SORCS2: variants seen among roughly 807,000 people sequenced by gnomAD.
SORCS2 encodes the protein sortilin related VPS10 domain containing receptor 2.
In SORCS2, 100 loss-of-function variants were observed where a neutral mutation model predicts 141.6. That is an observed-to-expected ratio of 0.71 (90% CI 0.60 to 0.83). The LOEUF (loss-of-function observed/expected upper bound fraction) is 0.83. SORCS2 is among the 40% of genes least tolerant of loss of function. The probability of loss-of-function intolerance (pLI) is 0.00; values close to 1 mark genes in which losing one functional copy is unlikely to be tolerated. For synonymous variants in SORCS2, 789 were observed against 676.9 expected (o/e 1.17, Z -2.57); for missense variants, 1,646 against 1,560.2 (o/e 1.05, Z -0.93).
chr4:7,429,902 G>A (rs541348220), intron 2 of SORCS2, among the ~76,000 whole-genome samples: 2 of 152,154 alleles, frequency 1.3e-5, no homozygotes, highest in Middle Eastern at 3.2e-3. Flanking sequence ...CCTGTCTCAC[G>A]GTGACTGTGG....
In SORCS2 at chr4:7,270,973, C is replaced by T. The variant is rs889204734; in HGVS notation, c.480+77847C>T. On this transcript the variant is annotated intron_variant, in intron 1 of 26. Coordinates refer to ENST00000507866, the MANE Select transcript of SORCS2 (RefSeq NM_020777.3). ...CATTCATTCATGCCCATGCTTGATG[C>T]TGCTGTATGCACTGGGCAGGCATAT... Among the ~76,000 whole-genome samples the T allele has an allele frequency of 7.2e-5, 11 of 152,358 alleles. No individual in the cohort carries two copies. The South Asian group carries it at 2.1e-3, about 29-fold the overall frequency.
At chr4:7,279,106 C>T (rs184555019) in intron 1 of SORCS2, among the ~76,000 whole-genome samples, 17 of 152,302 alleles carry the variant, frequency 1.1e-4, no homozygotes, top group African/African-American at 3.8e-4. Flanking sequence ...AGCTGTGATC[C>T]TAGCTGTCTG....
Position 7,740,292 on chromosome 4 carries a change from C to T in SORCS2, c.*28C>T. 1.2e-6 allele frequency: 2 copies of T among 1,600,250 alleles called. No individual in the cohort carries two copies. The highest frequency in any genetic ancestry group is 1.7e-6 in the Non-Finnish European group (2 of 1,174,046). Reference sequence around the variant, plus strand: ...CCACCCCAGCATCTGTCTTTTCACCCACGGAGGGCACAGAACCACCAGCAA... The same window carrying T: ...CCACCCCAGCATCTGTCTTTTCACCTACGGAGGGCACAGAACCACCAGCAA... On this transcript the variant is annotated 3_prime_UTR_variant, in exon 27 of 27. Transcript: ENST00000507866.
At chr4:7,714,721 G>A (rs1007695893) in intron 16 of SORCS2, among the ~76,000 whole-genome samples, 2 of 152,124 alleles carry the variant, frequency 1.3e-5, no homozygotes, top group African/African-American at 4.8e-5. Context: ...AAAGCCACCC[G>A]ACCTGTCCCC....
intron 2 of SORCS2, among the ~76,000 whole-genome samples, chr4:7,468,831 T>A (rs1175524581): frequency 6.6e-6 from 1 of 152,222 alleles, no homozygotes; most frequent in South Asian, 2.1e-4. Flanking sequence ...GACGTTGCAT[T>A]TGATCTTCCC....
At chr4:7,622,678 G>A (rs574464027) in intron 3 of SORCS2, among the ~76,000 whole-genome samples, 3 of 152,152 alleles carry the variant, frequency 2.0e-5, no homozygotes, top group South Asian at 2.1e-4. Flanking sequence ...CATGCAGGAC[G>A]GATATCTGTT....
chr4:7,350,311 G>C (rs1246973194), intron 1 of SORCS2, among the ~76,000 whole-genome samples: 2 of 152,238 alleles, frequency 1.3e-5, no homozygotes, highest in Non-Finnish European at 2.9e-5. Context: ...CCAGAGTGGG[G>C]CTACAGTTCA....
intron 1 of SORCS2, among the ~76,000 whole-genome samples, chr4:7,224,681 C>A (rs1044006362): frequency 6.6e-6 from 1 of 152,236 alleles, no homozygotes; most frequent in Non-Finnish European, 1.5e-5. Context: ...ACCGCCAACA[C>A]TGGGGAATAC....
chr4:7,449,611 C>T (rs556228730), intron 2 of SORCS2, among the ~76,000 whole-genome samples: 100 of 151,720 alleles, frequency 6.6e-4, no homozygotes, highest in Non-Finnish European at 1.3e-3. Context: ...ATGCTGGGGG[C>T]TGCCATGTGT....
Position 7,286,241 on chromosome 4 carries a change from G to A in SORCS2, c.480+93115G>A, listed in dbSNP as rs1716214618. On this transcript the variant is annotated intron_variant, in intron 1 of 26. Transcript: ENST00000507866. The surrounding 1 kb of genome is among the most constrained non-coding windows in gnomAD (Gnocchi z 4.1). ...TCTCCTCGCGTGGGAAGTGGGCACA[G>A]CCTCATGGTGTCTCCGTAGAAAGAA... is the stretch of plus-strand genomic sequence containing the variant. Among the ~76,000 whole-genome samples the A allele has an allele frequency of 6.6e-6, 1 of 152,208 alleles. No homozygotes were observed. Among genetic ancestry groups the A allele is most frequent in the Non-Finnish European group, 1.5e-5 (1 of 68,026 alleles).
chr4:7,709,213 G>A (rs1375174197), intron 14 of SORCS2, among the ~76,000 whole-genome samples: 6 of 152,206 alleles, frequency 3.9e-5, no homozygotes, highest in South Asian at 2.1e-4. Context: ...CAGTGCAGGG[G>A]TGAGGGCGGC....
At chr4:7,662,308 A>G (rs1464690865) in intron 6 of SORCS2, among the ~76,000 whole-genome samples, 2 of 148,702 alleles carry the variant, frequency 1.3e-5, no homozygotes, top group East Asian at 4.2e-4. Flanking sequence ...AACCAGGGCA[A>G]CAGCTCAGGG....
chr4:7,411,037 C>T (rs1193126156), intron 2 of SORCS2, among the ~76,000 whole-genome samples: 1 of 142,718 alleles, frequency 7.0e-6, no homozygotes, highest in African/African-American at 2.6e-5. Flanking sequence ...CTCACCGCAA[C>T]CTCTGCCTCC....
intron 2 of SORCS2, among the ~76,000 whole-genome samples, chr4:7,451,079 A>C (rs1341299986): frequency 6.6e-6 from 1 of 152,194 alleles, no homozygotes; most frequent in East Asian, 1.9e-4. Flanking sequence ...AGAGTGAGTG[A>C]ATGCATGAGT....
chr4:7,728,386 A>T lies in SORCS2; in HGVS notation c.2906A>T (p.Glu969Val). Residue 969 changes from glutamate to valine, a missense_variant, in exon 22 of 27, where the codon GAG becomes GTG. Physicochemically the swap from Glu to Val is moderately radical, Grantham distance 121 (BLOSUM62 -2). Coordinates refer to ENST00000507866, the MANE Select transcript of SORCS2 (RefSeq NM_020777.3). ...FQVMPLQFSK[E>V]LDAYNPNTPE... is the part of the protein sequence containing the mutation. The stretch of plus-strand genomic sequence containing the variant: ...GTCATGCCTCTGCAGTTTTCCAAGG[A>T]GCTGGATGCCTACAACCCCAACACC... 6.2e-7 allele frequency: 1 copy of T among 1,613,766 alleles called. No individual in the cohort carries two copies. The highest frequency in any genetic ancestry group is 1.1e-5 in the South Asian group (1 of 91,038).
chr4:7,510,581 G>T (rs1399064679), intron 2 of SORCS2, among the ~76,000 whole-genome samples: 1 of 150,606 alleles, frequency 6.6e-6, no homozygotes. Context: ...CGACCCCGGG[G>T]CCAGCGGCTT....
intron 1 of SORCS2, among the ~76,000 whole-genome samples, chr4:7,298,403 C>T (rs1717216345): frequency 6.6e-6 from 1 of 152,116 alleles, no homozygotes; most frequent in South Asian, 2.1e-4. Context: ...TTTCAGAGGC[C>T]AGGATGCCCT....
intron 2 of SORCS2, among the ~76,000 whole-genome samples, chr4:7,472,335 G>A (rs1035557541): frequency 9.2e-5 from 14 of 152,198 alleles, no homozygotes; most frequent in Admixed American, 5.9e-4. Flanking sequence ...ACAGCTGAGC[G>A]GGAGTTTACT....
At chr4:7,340,431 G>A (rs1285402855) in intron 1 of SORCS2, among the ~76,000 whole-genome samples, 1 of 152,250 alleles carries the variant, frequency 6.6e-6, no homozygotes, top group African/African-American at 2.4e-5. Flanking sequence ...GCCTCTGCGT[G>A]TCCTGGCGTT....
Sources: allele counts gnomAD v4.1 joint callset (sites outside exome capture counted in the v4.1 genomes callset), GRCh38; gene constraint gnomAD v4.1.1; non-coding constraint Gnocchi (gnomAD v3.1); transcripts MANE v1.5; gene names NCBI Gene and HGNC (gene_info 2026-07-23, HGNC 2026-07-21).